OCA2: variants seen among roughly 807,000 people sequenced by gnomAD.
The protein encoded by OCA2 is P protein.
In OCA2, 77 loss-of-function variants were observed where a neutral mutation model predicts 100.2. The ratio of observed to expected loss-of-function variants is 0.77; its 90% CI spans 0.64 to 0.93. The LOEUF (loss-of-function observed/expected upper bound fraction) is 0.93. Among genes scored for constraint, OCA2 ranks in the 40% least tolerant of loss-of-function variants. The pLI is 0.00. For synonymous variants in OCA2, 432 were observed against 439.2 expected (o/e 0.98, Z 0.21); for missense variants, 1,062 against 1,089.1 (o/e 0.98, Z 0.35).
chr15:27,906,884 T>C (rs1350190950), intron 19 of OCA2, among the ~76,000 whole-genome samples: 1 of 152,140 alleles, frequency 6.6e-6, no homozygotes, highest in Non-Finnish European at 1.5e-5. Context: ...TGCTCCCACT[T>C]GTTGGGGAAG....
intron 23 of OCA2, among the ~76,000 whole-genome samples, chr15:27,785,448 C>G (rs2032762903): frequency 6.6e-6 from 1 of 152,064 alleles, no homozygotes; most frequent in South Asian, 2.1e-4. Context: ...GCCATTTATC[C>G]AAAGAAGATC....
In OCA2 at chr15:27,957,634, G is replaced by C. The variant is rs1324465727; in HGVS notation, c.1738C>G (p.Leu580Val). The C allele has an allele frequency of 1.2e-6, 2 of 1,613,044 alleles. No individual in the cohort carries two copies. The highest frequency in any genetic ancestry group is 1.7e-6 in the Non-Finnish European group (2 of 1,179,998). The part of the protein sequence containing the change: ...AVRRLLLGKV[L>V]ALEHLLARRL... ...CGGGCGAGCAGGTGCTCCAGTGCCA[G>C]CACCTTCCCCAGCAGCAGGCGGCGC... Residue 580 changes from leucine (L) to valine (V), a missense_variant, in exon 16 of 24, where the codon CTG becomes GTG. Transcript: ENST00000354638. The surrounding 1 kb of genome is among the most constrained non-coding windows in gnomAD (Gnocchi z 4.3).
At chr15:27,726,545 G>A in the OCA2 span, among the ~76,000 whole-genome samples, 8 of 152,150 alleles carry the variant, frequency 5.3e-5, no homozygotes, top group African/African-American at 1.9e-4. Context: ...TGGAGATAGA[G>A]AGAATCTTCT....
At chr15:27,783,467 T>G (rs975732533) in intron 23 of OCA2, among the ~76,000 whole-genome samples, 1 of 152,186 alleles carries the variant, frequency 6.6e-6, no homozygotes, top group African/African-American at 2.4e-5. Context: ...TTAAAAACTT[T>G]TCTTGAATGC....
intron 17 of OCA2, among the ~76,000 whole-genome samples, chr15:27,953,693 T>TAA (rs1192869380): frequency 6.6e-6 from 1 of 151,874 alleles, no homozygotes; most frequent in African/African-American, 2.4e-5. Flanking sequence ...TTTTTGGGGG[T>TAA]ATCATTCAAA....
At chr15:27,732,352 G>C in the OCA2 span, among the ~76,000 whole-genome samples, 1 of 152,052 alleles carries the variant, frequency 6.6e-6, no homozygotes, top group Non-Finnish European at 1.5e-5. Flanking sequence ...TGGAGGGCCC[G>C]GAGACATGGA....
rs544155567 is a variant in OCA2, at chr15:27,924,940, G to A, written c.2079+1187C>T. 1.7e-3 allele frequency among the ~76,000 whole-genome samples: 254 copies of A among 152,130 alleles called. 1 individual carries two copies. The highest frequency in any genetic ancestry group is 6.0e-3 in the African/African-American group (249 of 41,502). On this transcript the variant is annotated intron_variant, in intron 19 of 23. Coordinates refer to ENST00000354638, the MANE Select transcript of OCA2 (RefSeq NM_000275.3). ...ACAGTAAACAAAAGTGGGCTGAAGT[G>A]GCTATACCAGTATCAGGCAAATAGA...
chr15:28,036,957 A>G (rs2043062532), intron 2 of OCA2, among the ~76,000 whole-genome samples: 1 of 152,090 alleles, frequency 6.6e-6, no homozygotes, highest in African/African-American at 2.4e-5. Flanking sequence ...GCCGGTAACA[A>G]GGAATACAAA....
intron 14 of OCA2, among the ~76,000 whole-genome samples, chr15:27,975,705 T>C (rs896548132): frequency 5.3e-5 from 8 of 152,224 alleles, no homozygotes; most frequent in Non-Finnish European, 1.2e-4. Context: ...TAAATCTTGG[T>C]GTCAGGAAGT....
At chr15:27,872,017 A>G (rs2036599235) in intron 19 of OCA2, 95 bp from the exon 20 acceptor site, 2 of 888,182 alleles carry the variant, frequency 2.3e-6, no homozygotes, top group Admixed American at 1.8e-5. Flanking sequence ...ACGTGAACAT[A>G]AGGTAGGCCC....
chr15:27,969,050 T>G (rs996386950), intron 14 of OCA2, among the ~76,000 whole-genome samples: 1 of 151,930 alleles, frequency 6.6e-6, no homozygotes, highest in Non-Finnish European at 1.5e-5. Flanking sequence ...ACTAATATAT[T>G]TATACACTAG....
At chr15:27,770,812 TCCTCCCTTCCATTCTTCCTTCCTC>T (rs2031703391) in intron 23 of OCA2, among the ~76,000 whole-genome samples, 2 of 109,858 alleles carry the variant, frequency 1.8e-5, no homozygotes, top group African/African-American at 7.5e-5. Context: ...TTTCCTTCCT[TCCTCCCTTCCATTCTTCCTTCCTC>T]CCTCTTTTCC....
intron 21 of OCA2, among the ~76,000 whole-genome samples, chr15:27,862,799 G>A (rs143160027): frequency 6.6e-6 from 1 of 152,260 alleles, no homozygotes; most frequent in Non-Finnish European, 1.5e-5. Flanking sequence ...AAGTTCGTAT[G>A]TCAAATTTGC....
intron 2 of OCA2, among the ~76,000 whole-genome samples, chr15:28,066,469 C>A (rs1332937400): frequency 6.6e-6 from 1 of 152,116 alleles, no homozygotes; most frequent in East Asian, 1.9e-4. Context: ...GGAATTCAGG[C>A]ACAGCTGATT....
intron 23 of OCA2, among the ~76,000 whole-genome samples, chr15:27,797,337 GGGCT>G (rs2033387245): frequency 6.6e-6 from 1 of 152,110 alleles, no homozygotes; most frequent in Non-Finnish European, 1.5e-5. Context: ...GAGGCAAAGG[GGGCT>G]GATTTTATAG....
intron 9 of OCA2, among the ~76,000 whole-genome samples, chr15:28,001,219 G>A (rs2041914266): frequency 6.6e-6 from 1 of 151,312 alleles, no homozygotes; most frequent in African/African-American, 2.4e-5. Context: ...TGTCCACAAT[G>A]GATGAATGAA....
intron 18 of OCA2, among the ~76,000 whole-genome samples, chr15:27,926,863 C>G (rs1364061207): frequency 6.6e-6 from 1 of 152,200 alleles, no homozygotes; most frequent in East Asian, 1.9e-4. Context: ...ATCCGCCCAC[C>G]TCAGACTCCC....
chr15:28,000,506 C>T (rs989431868), intron 9 of OCA2, among the ~76,000 whole-genome samples: 3 of 152,108 alleles, frequency 2.0e-5, no homozygotes, highest in South Asian at 2.1e-4. Context: ...AACTGTAAAA[C>T]TTCTGGAAGA....
the OCA2 span, among the ~76,000 whole-genome samples, chr15:27,721,050 T>G: frequency 6.6e-6 from 1 of 152,226 alleles, no homozygotes; most frequent in Non-Finnish European, 1.5e-5. Flanking sequence ...CACTTGGCAC[T>G]GCGCGGCTAC....
Sources: gnomAD v4.1 joint callset for allele counts (sites outside exome capture counted in the v4.1 genomes callset) on GRCh38, gnomAD v4.1.1 for gene constraint, Gnocchi (gnomAD v3.1) non-coding constraint, MANE v1.5 for transcripts, NCBI Gene and HGNC (gene_info 2026-07-23, HGNC 2026-07-21) for gene names.